ARHGEF40: variants seen among roughly 807,000 people sequenced by gnomAD.
ARHGEF40 encodes the protein Rho guanine nucleotide exchange factor 40, also known as Rho guanine nucleotide exchange factor (GEF) 40.
In ARHGEF40, 98 loss-of-function variants were observed where a neutral mutation model predicts 165.9. That is an observed-to-expected ratio of 0.59 (90% CI 0.50 to 0.70). ARHGEF40 has a LOEUF of 0.70. ARHGEF40 is among the 30% of genes least tolerant of loss of function. ARHGEF40 has a pLI of 0.00. For missense variants in ARHGEF40, 1,815 were observed against 1,968.0 expected, an observed-to-expected ratio of 0.92 and a Z score of 1.47; for synonymous variants, 792 against 814.3, an observed-to-expected ratio of 0.97 and a Z score of 0.47.
chr14:21,080,952 A>C lies in ARHGEF40; in HGVS notation c.2576A>C (p.Gln859Pro), dbSNP rs1369745678. The change falls in exon 13 of 24, where the codon CAG becomes CCG. Residue 859 changes from glutamine (Q) to proline (P), a missense_variant. Physicochemically the swap from Gln to Pro is moderately conservative, Grantham distance 76. Transcript: ENST00000298694. ...TSQKVLDIFE[Q>P]RLEQVESGLH... ...CAGAAGGTGCTGGATATCTTTGAAC[A>C]GCGGCTGGAGCAGGTTGAGAGTGGC... 6.2e-7 allele frequency: 1 copy of C among 1,614,206 alleles called. No individual in the cohort carries two copies. Among genetic ancestry groups the C allele is most frequent in the Non-Finnish European group, 8.5e-7 (1 of 1,180,026 alleles).
intron 21 of ARHGEF40, 139 bp downstream of exon 21, chr14:21,087,602 A>G (rs374081088): frequency 4.6e-5 from 58 of 1,249,802 alleles, no homozygotes; most frequent in East Asian, 4.2e-4. Context: ...CCCACCGCTA[A>G]AAGAGCCTTC....
Position 21,076,862 on chromosome 14 carries a change from C to T in ARHGEF40, c.2006C>T (p.Ser669Phe). ...QWELGGHRDP[S>F]PSHWVEIHQE... Reference sequence around the variant, plus strand: ...GAGTTAGGAGGTCACAGGGACCCCTCTCCCAGTCACTGGGTAGAGATACAC... The same window carrying T: ...GAGTTAGGAGGTCACAGGGACCCCTTTCCCAGTCACTGGGTAGAGATACAC... The change falls in exon 8 of 24, where the codon TCT becomes TTT. Residue 669 changes from serine (S) to phenylalanine (F), a missense_variant. Ser to Phe is a radical substitution (Grantham distance 155). Coordinates refer to ENST00000298694, the MANE Select transcript of ARHGEF40 (RefSeq NM_018071.5). 6.2e-7 allele frequency: 1 copy of T among 1,613,552 alleles called. No homozygotes were observed. Among genetic ancestry groups the T allele is most frequent in the Non-Finnish European group, 8.5e-7 (1 of 1,179,954 alleles).
intron 1 of ARHGEF40, among the ~76,000 whole-genome samples, chr14:21,071,856 G>T (rs1362073354): frequency 6.6e-6 from 1 of 152,228 alleles, no homozygotes; most frequent in Non-Finnish European, 1.5e-5. Context: ...CCTTGGGGCC[G>T]GGTCTGCGCG....
At chr14:21,063,605 G>A in the ARHGEF40 span, among the ~76,000 whole-genome samples, 1 of 152,168 alleles carries the variant, frequency 6.6e-6, no homozygotes, top group South Asian at 2.1e-4. Context: ...AAGTCTGGAG[G>A]ATGGGAATGA....
chr14:21,075,170 G>A lies in ARHGEF40; in HGVS notation c.1440G>A (p.Leu480=). 1 of 1,597,588 alleles carries A rather than the reference G, an allele frequency of 6.3e-7. No homozygotes were observed. The highest frequency in any genetic ancestry group is 8.5e-7 in the Non-Finnish European group (1 of 1,172,836). The stretch of plus-strand genomic sequence containing the variant: ...GAGAGCTGGAGGGGCCAGGCCTGCT[G>A]TGTATGGCAGGTGAGATGACACGGA... ...GERELEGPGL[L]CMAGHTGPEG... The change falls in exon 3 of 24, where the codon CTG becomes CTA. Residue 480 remains leucine, a synonymous_variant. Transcript: ENST00000298694. This position sits in a 1 kb window ranked among gnomAD's most constrained non-coding sequence, Gnocchi z 4.5.
chr14:21,087,526 TTGC>T, intron 21 of ARHGEF40, 63 bp downstream of exon 21: 1 of 1,578,580 alleles, frequency 6.3e-7, no homozygotes, highest in South Asian at 1.1e-5. Flanking sequence ...TTCAGGCTGC[TTGC>T]TGCTGAGCAA....
chr14:21,070,922 C>T lies in ARHGEF40; in HGVS notation c.3+523C>T, dbSNP rs1886759870. ...GGGACTGGCCACAGCTGTGGCTGGG[C>T]CGGGTCCCGGGGCATGGCCAAAGAG... On this transcript the variant is annotated intron_variant, in intron 1 of 23. Transcript: ENST00000298694. This position sits in a 1 kb window ranked among gnomAD's most constrained non-coding sequence, Gnocchi z 4.7. 4.1e-6 allele frequency: 6 copies of T among 1,474,880 alleles called. No homozygotes were observed. The East Asian group carries it at 1.5e-4, about 36-fold the overall frequency. 91.4% of individuals were successfully genotyped at this position (1,474,880 alleles called of 1,614,324 possible). A position where few individuals can be genotyped will look rare whatever the true frequency, so the allele number is the denominator to read the frequency against.
intron 16 of ARHGEF40, 75 bp from the exon 17 acceptor site, chr14:21,083,760 C>T: frequency 1.4e-6 from 2 of 1,407,360 alleles, no homozygotes; most frequent in Non-Finnish European, 1.9e-6. Flanking sequence ...TATCACCCAC[C>T]TACCCCCCAA....
At chr14:21,067,596 C>T (rs577833757), upstream of ARHGEF40, among the ~76,000 whole-genome samples, 97 of 152,144 alleles carry the variant, frequency 6.4e-4, no homozygotes, top group Middle Eastern at 3.4e-3. Flanking sequence ...TTGAGAAGCC[C>T]CAAAGAGTCT....
chr14:21,080,976 G>A lies in ARHGEF40; in HGVS notation c.2600G>A (p.Gly867Asp). 3 of 1,614,184 alleles carry A rather than the reference G, an allele frequency of 1.9e-6. No individual in the cohort carries two copies. The highest frequency in any genetic ancestry group is 2.2e-5 in the South Asian group (2 of 91,090). Reference protein sequence around the residue: ...FEQRLEQVESGLHRALRLQRF... With the variant: ...FEQRLEQVESDLHRALRLQRF... ...CAGCGGCTGGAGCAGGTTGAGAGTG[G>A]CCTCCATCGGGCCCTGCGGCTACAG... is the stretch of plus-strand genomic sequence containing the variant. The change falls in exon 13 of 24, where the codon GGC (glycine) becomes GAC (aspartate). Residue 867 changes from glycine to aspartate, a missense_variant. Transcript: ENST00000298694.
chr14:21,082,863 G>T lies in ARHGEF40; in HGVS notation c.3519G>T (p.Val1173=). Residue 1173 remains valine, a synonymous_variant, in exon 16 of 24, where the codon GTG becomes GTT. Transcript: ENST00000298694. ...GDQFSLYAQY[V]KHRHKLENGL... ...AGTTCAGCCTTTATGCACAGTACGTGAAGCACCGACACAAACTGGAGAATG... is the reference window on the plus strand; with the variant it reads ...AGTTCAGCCTTTATGCACAGTACGTTAAGCACCGACACAAACTGGAGAATG... 2.5e-6 allele frequency: 4 copies of T among 1,614,214 alleles called. No homozygotes were observed. Among genetic ancestry groups the T allele is most frequent in the Non-Finnish European group, 3.4e-6 (4 of 1,180,034 alleles).
At chr14:21,087,219 G>A (rs1175453438) in intron 20 of ARHGEF40, 101 bp from the exon 21 acceptor site, 2 of 1,577,068 alleles carry the variant, frequency 1.3e-6, no homozygotes, top group Non-Finnish European at 1.7e-6. Context: ...CAAATCAGTG[G>A]GACTGGCTGG....
At position 21,089,169 on chromosome 14, in the gene ARHGEF40, A is replaced by G. The variant is rs1321767054; in HGVS notation, c.*161A>G. The G allele has an allele frequency of 2.9e-5, 11 of 379,538 alleles. No individual in the cohort carries two copies. The highest frequency in any genetic ancestry group is 1.8e-4 in the Admixed American group (4 of 22,688). The allele number at this position is 379,538 out of a possible 1,614,324, so 23.5% of individuals were successfully genotyped here. A position where few individuals can be genotyped will look rare whatever the true frequency, so the allele number is the denominator to read the frequency against. On this transcript the variant is annotated 3_prime_UTR_variant, in exon 24 of 24. Coordinates refer to ENST00000298694, the MANE Select transcript of ARHGEF40 (RefSeq NM_018071.5). ...ACGACCAGAGTATTGCCCTGCCACC[A>G]CTATCTCTAGTCTCCCTAGCTTGGT...
In ARHGEF40 at chr14:21,082,260, G is replaced by A; in HGVS notation, c.3268G>A (p.Val1090Met). 6.2e-7 allele frequency: 1 copy of A among 1,609,834 alleles called. No homozygotes were observed. The stretch of plus-strand genomic sequence containing the variant: ...TGCCTGCAGTGCCCAGCAGCGGCTG[G>A]TGTCTGAGCTGATTGCCTGTGAACA... ...KRSISAQQRL[V>M]SELIACEQDY... The change falls in exon 15 of 24, where the codon GTG becomes ATG. Residue 1090 changes from valine to methionine, a missense_variant. Val to Met is a conservative substitution (Grantham distance 21). Coordinates refer to ENST00000298694, the MANE Select transcript of ARHGEF40 (RefSeq NM_018071.5).
At chr14:21,081,154 C>T (rs1340909994) in intron 13 of ARHGEF40, 138 bp downstream of exon 13, 2 of 1,362,598 alleles carry the variant, frequency 1.5e-6, no homozygotes, top group South Asian at 1.4e-5. Flanking sequence ...AGCTCTGCCA[C>T]CTCCTTGCTG....
In ARHGEF40 at chr14:21,074,271, C is replaced by T. The variant is rs759328701; in HGVS notation, c.541C>T (p.Leu181Phe). The part of the protein sequence containing the change: ...SGIQRLPWAE[L>F]ICPRFVHKEG... ...GATTCAGCGGCTGCCCTGGGCTGAG[C>T]TCATCTGTCCACGATTTGTGCACAA... is the stretch of plus-strand genomic sequence containing the variant. Residue 181 changes from leucine (L) to phenylalanine (F), a missense_variant, in exon 3 of 24, where the codon CTC becomes TTC. Leu to Phe is a conservative substitution (Grantham distance 22). Transcript: ENST00000298694. This position sits in a 1 kb window ranked among gnomAD's most constrained non-coding sequence, Gnocchi z 4.8. The T allele has an allele frequency of 1.7e-5, 27 of 1,614,024 alleles. No homozygotes were observed. Among genetic ancestry groups the T allele is most frequent in the Non-Finnish European group, 2.1e-5 (25 of 1,180,026 alleles).
the ARHGEF40 span, among the ~76,000 whole-genome samples, chr14:21,064,623 A>G: frequency 6.6e-6 from 1 of 152,268 alleles, no homozygotes; most frequent in Non-Finnish European, 1.5e-5. Flanking sequence ...TTAACTAAAG[A>G]CAATGTAGGC....
chr14:21,061,703 A>G, the ARHGEF40 span, among the ~76,000 whole-genome samples: 1 of 152,254 alleles, frequency 6.6e-6, no homozygotes, highest in Admixed American at 6.5e-5. Context: ...AGAATTAAGT[A>G]TAGAAATGTT....
In ARHGEF40 at chr14:21,075,964, A is replaced by G. The variant is rs1887385993; in HGVS notation, c.1739+199A>G. ...ATCTTCACTGATCTTCAAAAGCAAC[A>G]CTGTTGACTTTCACTCTCTTCCAAC... On this transcript the variant is annotated intron_variant, in intron 5 of 23. Coordinates refer to ENST00000298694, the MANE Select transcript of ARHGEF40 (RefSeq NM_018071.5). This position sits in a 1 kb window ranked among gnomAD's most constrained non-coding sequence, Gnocchi z 4.5. Among the ~76,000 whole-genome samples, 1 of 152,092 alleles carries G rather than the reference A, an allele frequency of 6.6e-6. No individual in the cohort carries two copies. The highest frequency in any genetic ancestry group is 1.9e-4 in the East Asian group (1 of 5,192).
Sources: gnomAD v4.1 joint callset for allele counts (sites outside exome capture counted in the v4.1 genomes callset) on GRCh38, gnomAD v4.1.1 for gene constraint, Gnocchi (gnomAD v3.1) non-coding constraint, MANE v1.5 for transcripts, NCBI Gene and HGNC (gene_info 2026-07-23, HGNC 2026-07-21) for gene names.